CDH3: variants seen among roughly 807,000 people sequenced by gnomAD.
CDH3 encodes the protein cadherin-3.
In CDH3, 54 loss-of-function variants were observed where a neutral mutation model predicts 82.0. The ratio of observed to expected loss-of-function variants is 0.66; its 90% CI spans 0.53 to 0.83. CDH3 has a LOEUF of 0.83. Among genes scored for constraint, CDH3 ranks in the 40% least tolerant of loss-of-function variants. The pLI is 0.00. For missense variants in CDH3, 1,054 were observed against 1,084.6 expected, an observed-to-expected ratio of 0.97 and a Z score of 0.40; for synonymous variants, 446 against 437.9, an observed-to-expected ratio of 1.02 and a Z score of -0.23.
intron 2 of CDH3, among the ~76,000 whole-genome samples, chr16:68,726,705 A>G (rs908822419): frequency 4.0e-5 from 6 of 151,244 alleles, no homozygotes; most frequent in Non-Finnish European, 5.9e-5. Context: ...CAGCCTCCTG[A>G]GTAGCTGGGA....
chr16:68,676,313 A>G, intron 2 of CDH3, 72 bp from the exon 3 acceptor site: 1 of 1,043,466 alleles, frequency 9.6e-7, no homozygotes, highest in South Asian at 1.3e-5. Flanking sequence ...GACTCTTGTC[A>G]GTCTTGTTTT....
At chr16:68,647,946 G>A (rs1267070131) in intron 2 of CDH3, among the ~76,000 whole-genome samples, 2 of 152,140 alleles carry the variant, frequency 1.3e-5, no homozygotes, top group Non-Finnish European at 2.9e-5. Context: ...TGAATATCAA[G>A]GGTGTCTATG....
chr16:68,727,785 T>C (rs1449408801), downstream of CDH3, among the ~76,000 whole-genome samples: 3 of 152,034 alleles, frequency 2.0e-5, no homozygotes, highest in Non-Finnish European at 4.4e-5. Context: ...AGTGCATGCC[T>C]GTAATCCCAG....
In CDH3 at chr16:68,707,886, TG is replaced by T. The variant is rs1961983667; in HGVS notation, c.99+11966del. ...AGGGGCGGGGCGGGTCAGGAATGCCTGGGCTCCGTTCCAACTTCTGTCCCCA... is the reference window on the plus strand; with the variant it reads ...AGGGGCGGGGCGGGTCAGGAATGCCTGGCTCCGTTCCAACTTCTGTCCCCA... On this transcript the variant is annotated intron_variant, in intron 1 of 2. Coordinates refer to the CDH3 transcript ENST00000569080. This position sits in a 1 kb window ranked among gnomAD's most constrained non-coding sequence, Gnocchi z 4.5. 6.6e-6 allele frequency among the ~76,000 whole-genome samples: 1 copy of T among 151,658 alleles called. No homozygotes were observed. The highest frequency in any genetic ancestry group is 2.1e-4 in the South Asian group (1 of 4,802).
chr16:68,670,021 G>A (rs556633533), intron 2 of CDH3, among the ~76,000 whole-genome samples: 2 of 152,066 alleles, frequency 1.3e-5, no homozygotes, highest in South Asian at 4.2e-4. Flanking sequence ...ACTTGAGTTT[G>A]AGACCAGCCT....
downstream of CDH3, among the ~76,000 whole-genome samples, chr16:68,702,080 G>C (rs1030910976): frequency 4.6e-5 from 7 of 151,726 alleles, no homozygotes; most frequent in Non-Finnish European, 1.0e-4. Flanking sequence ...GTAGACACGG[G>C]GTTTCACCAT....
intron 1 of CDH3, among the ~76,000 whole-genome samples, chr16:68,721,847 TG>T (rs1210635353): frequency 1.2e-4 from 18 of 152,238 alleles, no homozygotes; most frequent in Admixed American, 1.2e-3. Flanking sequence ...TCTAGCACTT[TG>T]GGAGGCTGAG....
intron 2 of CDH3, among the ~76,000 whole-genome samples, chr16:68,670,101 G>A (rs1960844613): frequency 6.6e-6 from 1 of 151,836 alleles, no homozygotes; most frequent in African/African-American, 2.4e-5. Flanking sequence ...GCGGGCGCCT[G>A]TAGTCCCAGC....
At chr16:68,652,085 G>A (rs949581111) in intron 2 of CDH3, 1 of 180,742 alleles carries the variant, frequency 5.5e-6, no homozygotes, top group African/African-American at 2.4e-5. Flanking sequence ...TGTAAAATGA[G>A]GTTGAGGAAG....
Position 68,691,896 on chromosome 16 carries a change from C to G in CDH3, c.1972C>G (p.Pro658Ala), listed in dbSNP as rs770904110. The stretch of plus-strand genomic sequence containing the variant: ...ACCCTGGAAGGGAGGTTTCATCCTC[C>G]CTGTGCTGGGGGCTGTCCTGGCTCT... ...PGPWKGGFIL[P>A]VLGAVLALLF... Residue 658 changes from proline to alanine, a missense_variant, in exon 13 of 16, where the codon CCT becomes GCT. Coordinates refer to ENST00000264012, the MANE Select transcript of CDH3 (RefSeq NM_001793.6). The G allele has an allele frequency of 6.2e-7, 1 of 1,613,786 alleles. No homozygotes were observed. The highest frequency in any genetic ancestry group is 1.1e-5 in the South Asian group (1 of 91,062).
At chr16:68,668,664 G>A (rs1960805298) in intron 2 of CDH3, among the ~76,000 whole-genome samples, 1 of 152,174 alleles carries the variant, frequency 6.6e-6, no homozygotes, top group African/African-American at 2.4e-5. Flanking sequence ...AATGCAGACT[G>A]AGCCAGTTCC....
At chr16:68,676,569 C>A in intron 3 of CDH3, 99 bp downstream of exon 3, 1 of 884,482 alleles carries the variant, frequency 1.1e-6, no homozygotes, top group South Asian at 1.4e-5. Flanking sequence ...CCATTGTGAG[C>A]CAAGTCAGCC....
intron 11 of CDH3, 88 bp from the exon 12 acceptor site, chr16:68,687,424 G>A (rs1181156877): frequency 5.1e-6 from 5 of 971,198 alleles, no homozygotes; most frequent in Non-Finnish European, 8.3e-6. Context: ...GTCTTGAGAG[G>A]TGAGAGCTGG....
In CDH3 at chr16:68,679,984, C is replaced by T; in HGVS notation, c.867+10C>T. 2.5e-6 allele frequency: 4 copies of T among 1,613,604 alleles called. No homozygotes were observed. The highest frequency in any genetic ancestry group is 3.4e-6 in the Non-Finnish European group (4 of 1,179,560). The stretch of plus-strand genomic sequence containing the variant: ...TGGCCTGGACCGGGAAGTGAGTGGC[C>T]CTTAGGGAAAGTACTGCCTACCCAG... On this transcript the variant is annotated intron_variant, in intron 7 of 15. Transcript: ENST00000264012.
chr16:68,684,771 G>T lies in CDH3; in HGVS notation c.1371G>T (p.Glu457Asp), dbSNP rs77039159. The change falls in exon 10 of 16, where the codon GAG becomes GAT. Residue 457 changes from glutamate (E) to aspartate (D), a missense_variant. Physicochemically the swap from Glu to Asp is conservative, Grantham distance 45. Transcript: ENST00000264012. ...VEVQEGIPTG[E>D]PVCVYTAEDP... ...TCCAGGAGGGCATCCCCACTGGGGA[G>T]CCTGTGTGTGTCTACACTGCAGAAG... 1.9e-6 allele frequency: 3 copies of T among 1,614,190 alleles called. No individual in the cohort carries two copies. The highest frequency in any genetic ancestry group is 2.2e-5 in the East Asian group (1 of 44,880).
chr16:68,729,354 G>GC (rs1962260172), downstream of CDH3, among the ~76,000 whole-genome samples: 1 of 152,134 alleles, frequency 6.6e-6, no homozygotes, highest in Non-Finnish European at 1.5e-5. Context: ...GACCCTGTGT[G>GC]TTTTTTGTTT....
chr16:68,731,391 A>ATATATATAT (rs1182933300), downstream of CDH3, among the ~76,000 whole-genome samples: 2 of 7,356 alleles, frequency 2.7e-4, 1 homozygote, highest in African/African-American at 1.3e-3. Context: ...AAAAAAAAAA[A>ATATATATAT]AAAAATATAT....
intron 2 of CDH3, 121 bp downstream of exon 2, chr16:68,645,871 G>A: frequency 1.4e-6 from 1 of 718,000 alleles, no homozygotes; most frequent in Non-Finnish European, 2.3e-6. Flanking sequence ...TTCCCGGGGA[G>A]GCGCAGAACG....
At chr16:68,712,301 C>T (rs1041318284) in intron 1 of CDH3, among the ~76,000 whole-genome samples, 1 of 151,064 alleles carries the variant, frequency 6.6e-6, no homozygotes, top group Non-Finnish European at 1.5e-5. Flanking sequence ...CCTCCTAAAT[C>T]CTGGGATTAC....
Sources: gnomAD v4.1 joint callset for allele counts (sites outside exome capture counted in the v4.1 genomes callset) on GRCh38, gnomAD v4.1.1 for gene constraint, Gnocchi (gnomAD v3.1) non-coding constraint, MANE v1.5 for transcripts, NCBI Gene and HGNC (gene_info 2026-07-23, HGNC 2026-07-21) for gene names.